GADL1: variants seen among roughly 807,000 people sequenced by gnomAD.
GADL1 encodes acidic amino acid decarboxylase GADL1.
GADL1 carries 71 observed loss-of-function variants against 69.5 expected under a neutral mutation model. That is an observed-to-expected ratio of 1.02 (90% confidence interval 0.84 to 1.25). GADL1 has a LOEUF of 1.25. Among genes scored for constraint, GADL1 ranks in the 50% most tolerant of loss-of-function variants. The pLI is 0.00. For missense variants in GADL1, 737 were observed against 631.8 expected (o/e 1.17, Z -1.79); for synonymous variants, 254 against 214.4 (o/e 1.18, Z -1.62).
intron 14 of GADL1, among the ~76,000 whole-genome samples, chr3:30,745,607 A>G (rs1217045349): frequency 6.6e-6 from 1 of 152,212 alleles, no homozygotes; most frequent in Non-Finnish European, 1.5e-5. Flanking sequence ...TTTCTTTCAG[A>G]AAGCAGTGGA....
At chr3:30,775,157 T>C (rs1696506658) in intron 14 of GADL1, among the ~76,000 whole-genome samples, 1 of 152,190 alleles carries the variant, frequency 6.6e-6, no homozygotes, top group African/African-American at 2.4e-5. Flanking sequence ...CTCACGTACG[T>C]GCACATACTT....
chr3:30,777,086 G>GAAT (rs1415679623), intron 14 of GADL1, among the ~76,000 whole-genome samples: 2 of 152,026 alleles, frequency 1.3e-5, no homozygotes, highest in African/African-American at 4.8e-5. Flanking sequence ...TTGTCTCTAG[G>GAAT]AATATTGAGT....
intron 14 of GADL1, among the ~76,000 whole-genome samples, chr3:30,773,481 TTATCTC>T (rs986604820): frequency 1.4e-4 from 21 of 152,192 alleles, no homozygotes; most frequent in Admixed American, 3.9e-4. Flanking sequence ...GCCTGCAACT[TTATCTC>T]TAAAAATATT....
At chr3:30,822,944 A>G (rs999790011) in intron 11 of GADL1, among the ~76,000 whole-genome samples, 1 of 152,042 alleles carries the variant, frequency 6.6e-6, no homozygotes, top group Non-Finnish European at 1.5e-5. Context: ...GGCTGAATAA[A>G]CAAATGCTTA....
intron 14 of GADL1, among the ~76,000 whole-genome samples, chr3:30,767,571 A>G (rs1696312942): frequency 6.6e-6 from 1 of 152,184 alleles, no homozygotes. Flanking sequence ...TGCATGATAC[A>G]CTAAAATAAC....
chr3:30,838,029 A>T (rs1160814231), intron 9 of GADL1, among the ~76,000 whole-genome samples: 1 of 152,142 alleles, frequency 6.6e-6, no homozygotes, highest in Non-Finnish European at 1.5e-5. Context: ...GATTTGATTG[A>T]AATAAACACT....
chr3:30,866,136 A>G (rs983680864), intron 1 of GADL1, among the ~76,000 whole-genome samples: 46 of 152,166 alleles, frequency 3.0e-4, no homozygotes, highest in Non-Finnish European at 5.0e-4. Context: ...GTTAGCTAAC[A>G]GTAGTAAATA....
chr3:30,757,396 A>T (rs572303015), intron 14 of GADL1, among the ~76,000 whole-genome samples: 3 of 152,352 alleles, frequency 2.0e-5, no homozygotes, highest in African/African-American at 7.2e-5. Context: ...GAAGCCTATA[A>T]AAAGCATAAA....
At chr3:30,783,658 G>A (rs982444108) in intron 13 of GADL1, among the ~76,000 whole-genome samples, 2 of 151,940 alleles carry the variant, frequency 1.3e-5, no homozygotes, top group Non-Finnish European at 2.9e-5. Flanking sequence ...AAAGAAAAGC[G>A]GCAAATGCAG....
rs540141718 is a variant in GADL1, at chr3:30,766,156, G to GTA, written c.1392+12021_1392+12022dup. Among the ~76,000 whole-genome samples, 98 of 152,256 alleles carry GTA rather than the reference G, an allele frequency of 6.4e-4. No individual in the cohort carries two copies. In the Middle Eastern group the frequency reaches 0.014, roughly 21 times the overall value. Reference sequence around the variant, plus strand: ...ATTCCCCATTCAGAGGAAGAAACAAGTATATATCTGAGGCCTCCAGGAGGA... The same window carrying GTA: ...ATTCCCCATTCAGAGGAAGAAACAAGTATATATATCTGAGGCCTCCAGGAGGA... On this transcript the variant is annotated intron_variant, in intron 14 of 14. Transcript: ENST00000282538.
At chr3:30,803,544 C>T (rs1038235630) in intron 11 of GADL1, among the ~76,000 whole-genome samples, 2 of 152,068 alleles carry the variant, frequency 1.3e-5, no homozygotes, top group Admixed American at 1.3e-4. Flanking sequence ...GGACGCTCAT[C>T]CATTATCAGA....
intron 11 of GADL1, among the ~76,000 whole-genome samples, chr3:30,815,362 C>T (rs931302268): frequency 6.6e-6 from 1 of 152,174 alleles, no homozygotes; most frequent in South Asian, 2.1e-4. Context: ...TATGTGATGA[C>T]ATTTACGATT....
chr3:30,739,312 C>T (rs1695582488), intron 14 of GADL1, among the ~76,000 whole-genome samples: 1 of 152,134 alleles, frequency 6.6e-6, no homozygotes, highest in Admixed American at 6.6e-5. Flanking sequence ...CCTGTATTCG[C>T]CATCCTGCAC....
At chr3:30,795,051 C>T (rs1697005020) in intron 12 of GADL1, among the ~76,000 whole-genome samples, 1 of 152,144 alleles carries the variant, frequency 6.6e-6, no homozygotes, top group African/African-American at 2.4e-5. Flanking sequence ...TAACGTGCTC[C>T]TCAAATACTA....
intron 1 of GADL1, among the ~76,000 whole-genome samples, chr3:30,887,350 G>A (rs1029391288): frequency 5.9e-5 from 9 of 152,160 alleles, no homozygotes; most frequent in African/African-American, 1.9e-4. Flanking sequence ...GAAGCCTCTG[G>A]CTCTTTGAGA....
At position 30,834,217 on chromosome 3, in the gene GADL1, C is replaced by G. The variant is rs771366350; in HGVS notation, c.968G>C (p.Arg323Thr). The change falls in exon 10 of 15, where the codon AGG (arginine) becomes ACG (threonine). Residue 323 changes from arginine (R) to threonine (T), a missense_variant and splice_region_variant. Arg to Thr is a moderately conservative substitution (Grantham distance 71, BLOSUM62 -1). Transcript: ENST00000282538. ...CTGTACACCAGGAAACTACATTTACCTGTGGATGCCATGCAGAAGCTTGCG... is the reference window on the plus strand; with the variant it reads ...CTGTACACCAGGAAACTACATTTACGTGTGGATGCCATGCAGAAGCTTGCG... ...KHRKLLHGIH[R>T]ADSVAWNPHK... is the part of the protein sequence containing the mutation. 1.2e-6 allele frequency: 2 copies of G among 1,612,096 alleles called. No individual in the cohort carries two copies. Among genetic ancestry groups the G allele is most frequent in the East Asian group, 2.2e-5 (1 of 44,804 alleles).
At chr3:30,825,783 A>AC (rs1327619738) in intron 11 of GADL1, among the ~76,000 whole-genome samples, 7 of 151,848 alleles carry the variant, frequency 4.6e-5, no homozygotes, top group African/African-American at 1.7e-4. Flanking sequence ...CAGGTGGGGA[A>AC]CAAGGGGAGG....
intron 14 of GADL1, among the ~76,000 whole-genome samples, chr3:30,762,848 T>A (rs1559491724): frequency 2.1e-5 from 1 of 48,598 alleles, no homozygotes; most frequent in African/African-American, 7.7e-5. Flanking sequence ...TGTTAGTCTT[T>A]CTTTTCCTTG....
At chr3:30,803,013 G>A (rs555009208) in intron 11 of GADL1, among the ~76,000 whole-genome samples, 1 of 152,170 alleles carries the variant, frequency 6.6e-6, no homozygotes, top group African/African-American at 2.4e-5. Context: ...GATCACTTGA[G>A]CCCATGAGGT....
Sources: gnomAD v4.1 joint callset for allele counts (sites outside exome capture counted in the v4.1 genomes callset) on GRCh38, gnomAD v4.1.1 for gene constraint, MANE v1.5 for transcripts, NCBI Gene and HGNC (gene_info 2026-07-23, HGNC 2026-07-21) for gene names.